Variants in MYO9A observed in about 807,000 individuals in gnomAD.
MYO9A encodes unconventional myosin-IXa.
MYO9A carries 103 observed loss-of-function variants against 293.3 expected under a neutral mutation model. That is an observed-to-expected ratio of 0.35 (90% CI 0.30 to 0.41). The LOEUF (loss-of-function observed/expected upper bound fraction) is 0.41. MYO9A is among the 10% of genes least tolerant of loss of function. MYO9A has a pLI of 1.00. For synonymous variants in MYO9A, 1,001 were observed against 1,035.7 expected (o/e 0.97, Z 0.64); for missense variants, 2,685 against 3,033.0 (o/e 0.89, Z 2.69).
At chr15:72,034,121 T>C (rs1435078639) in intron 2 of MYO9A, among the ~76,000 whole-genome samples, 1 of 152,178 alleles carries the variant, frequency 6.6e-6, no homozygotes, top group African/African-American at 2.4e-5. Context: ...GGCAACTACA[T>C]CTGTACTCAA....
intron 13 of MYO9A, among the ~76,000 whole-genome samples, chr15:71,967,673 T>A (rs951068068): frequency 1.3e-5 from 2 of 152,080 alleles, no homozygotes; most frequent in East Asian, 3.8e-4. Flanking sequence ...AAGGGAAAAA[T>A]TCAACAAATT....
At chr15:71,968,189 C>G (rs917069966) in intron 12 of MYO9A, 64 bp from the exon 13 acceptor site, 1 of 1,338,794 alleles carries the variant, frequency 7.5e-7, no homozygotes, top group South Asian at 1.6e-5. Context: ...GTAATTAGTA[C>G]AGCCCTTTTC....
chr15:71,838,180 T>C (rs1294663753), intron 39 of MYO9A, among the ~76,000 whole-genome samples: 1 of 152,134 alleles, frequency 6.6e-6, no homozygotes, highest in Admixed American at 6.5e-5. Flanking sequence ...TTTCACTGGG[T>C]AGCTAATCTT....
intron 15 of MYO9A, among the ~76,000 whole-genome samples, chr15:71,944,128 G>C (rs919955875): frequency 2.6e-5 from 4 of 152,016 alleles, no homozygotes; most frequent in African/African-American, 9.7e-5. Flanking sequence ...TCTTTCATGA[G>C]AACACAGATA....
Position 71,899,025 on chromosome 15 carries a change from C to T in MYO9A, c.3478G>A (p.Ala1160Thr), listed in dbSNP as rs899812774. 2 of 1,593,682 alleles carry T rather than the reference C, an allele frequency of 1.3e-6. No homozygotes were observed. The highest frequency in any genetic ancestry group is 3.5e-5 in the Admixed American group (2 of 56,906). ...TCTCTTAGCCTTTGTTCTTTTAAAG[C>T]TTTAAATCTATATAAAAACAGACAA... The part of the protein sequence containing the change: ...RGFRARQRFK[A>T]LKEQRLRETK... Residue 1160 changes from alanine (A) to threonine (T), a missense_variant, in exon 25 of 42, where the codon GCT becomes ACT. Ala to Thr is a moderately conservative substitution (Grantham distance 58). Coordinates refer to ENST00000356056, the MANE Select transcript of MYO9A (RefSeq NM_006901.4).
At chr15:72,035,927 G>A (rs1179570854) in intron 2 of MYO9A, among the ~76,000 whole-genome samples, 1 of 151,928 alleles carries the variant, frequency 6.6e-6, no homozygotes, top group African/African-American at 2.4e-5. Context: ...CAGGGCAGAG[G>A]GTATGAAGAT....
intron 32 of MYO9A, among the ~76,000 whole-genome samples, chr15:71,871,786 G>A (rs1482022921): frequency 6.6e-6 from 1 of 150,874 alleles, no homozygotes; most frequent in African/African-American, 2.4e-5. Context: ...GTAGCATAAA[G>A]AATTTAAAGG....
At chr15:71,875,111 A>G (rs1387485759) in intron 32 of MYO9A, among the ~76,000 whole-genome samples, 1 of 152,002 alleles carries the variant, frequency 6.6e-6, no homozygotes, top group Non-Finnish European at 1.5e-5. Context: ...CATAAACCAC[A>G]TAATATATAT....
chr15:71,909,271 A>G (rs1466421641), intron 19 of MYO9A, among the ~76,000 whole-genome samples: 1 of 152,238 alleles, frequency 6.6e-6, no homozygotes, highest in Non-Finnish European at 1.5e-5. Flanking sequence ...GTAAATACCA[A>G]GAAGTTGTTA....
chr15:72,031,662 A>G (rs2077875701), intron 3 of MYO9A, among the ~76,000 whole-genome samples: 1 of 151,974 alleles, frequency 6.6e-6, no homozygotes, highest in East Asian at 1.9e-4. Flanking sequence ...GTTTAAAGGA[A>G]TATAGGGGAA....
At chr15:71,944,111 T>C (rs753077565) in intron 15 of MYO9A, among the ~76,000 whole-genome samples, 1 of 152,096 alleles carries the variant, frequency 6.6e-6, no homozygotes, top group Non-Finnish European at 1.5e-5. Context: ...AATGAAAAAG[T>C]TGAACATCTT....
rs374172306 is a variant in MYO9A at position 71,903,030 on chromosome 15, G to C, written c.2911C>G (p.Arg971Gly). 5.7e-6 allele frequency: 9 copies of C among 1,592,146 alleles called. No homozygotes were observed. The highest frequency in any genetic ancestry group is 7.7e-6 in the Non-Finnish European group (9 of 1,165,618). ...TTAAATTTGGATGGAATAATATTTC[G>C]GGGAAGAAGTACATGGAAGTGGCTC... Reference protein sequence around the residue: ...FVSHFHVLLPRNIIPSKFNIQ... With the variant: ...FVSHFHVLLPGNIIPSKFNIQ... Residue 971 changes from arginine to glycine, a missense_variant, in exon 22 of 42, where the codon CGA becomes GGA. Around this residue, in one of 10 missense-constraint regions of MYO9A, gnomAD observed 1,434 missense variants for 1,497.7 expected, o/e 0.96. Coordinates refer to ENST00000356056, the MANE Select transcript of MYO9A (RefSeq NM_006901.4).
intron 1 of MYO9A, among the ~76,000 whole-genome samples, chr15:72,100,830 G>A (rs1424660197): frequency 1.3e-5 from 2 of 151,742 alleles, no homozygotes; most frequent in Non-Finnish European, 3.0e-5. Flanking sequence ...GAAGTGAGGA[G>A]CGTCTCCGCC....
intron 39 of MYO9A, among the ~76,000 whole-genome samples, chr15:71,835,734 A>G (rs191960083): frequency 1.3e-5 from 2 of 152,286 alleles, no homozygotes; most frequent in Admixed American, 1.3e-4. Flanking sequence ...ATCCCAATAA[A>G]AATCCCAAGA....
chr15:71,964,507 C>T (rs759338814), intron 13 of MYO9A, among the ~76,000 whole-genome samples: 1 of 151,416 alleles, frequency 6.6e-6, no homozygotes, highest in African/African-American at 2.4e-5. Context: ...ACTGGCTGGG[C>T]GCGATGGCTC....
intron 11 of MYO9A, among the ~76,000 whole-genome samples, chr15:71,985,774 T>C (rs79717142): frequency 6.6e-6 from 1 of 152,188 alleles, no homozygotes; most frequent in African/African-American, 2.4e-5. Flanking sequence ...CCTTCAAATA[T>C]ATGTTGTTGA....
rs138711800 is a variant in MYO9A at position 71,899,901 on chromosome 15, G to A, written c.3256C>T (p.Arg1086Cys). The change falls in exon 24 of 42, where the codon CGT becomes TGT. Residue 1086 changes from arginine to cysteine, a missense_variant. By Grantham distance (180) the Arg-to-Cys change is radical. This residue lies in a region of MYO9A where 1,434 missense variants were observed against 1,497.7 expected (regional missense o/e 0.96). Transcript: ENST00000356056. Reference sequence around the variant, plus strand: ...TACCGCTGCCTCTCTAAGTGAGCACGCCAGGAAGCTTGGAGAAGAGCAGCT... The same window carrying A: ...TACCGCTGCCTCTCTAAGTGAGCACACCAGGAAGCTTGGAGAAGAGCAGCT... ...SAAALLQASW[R>C]AHLERQRYLE... The A allele has an allele frequency of 1.2e-3, 2,006 of 1,614,014 alleles. No homozygotes were observed. Among genetic ancestry groups the A allele is most frequent in the Non-Finnish European group, 1.6e-3 (1,840 of 1,180,020 alleles).
chr15:72,113,597 T>C (rs547072689), intron 1 of MYO9A, among the ~76,000 whole-genome samples: 58 of 152,292 alleles, frequency 3.8e-4, no homozygotes, highest in Admixed American at 7.8e-4. Flanking sequence ...GGAAAGGACA[T>C]GATTTGATTT....
chr15:72,114,244 G>A (rs529443837), intron 1 of MYO9A: 1 of 152,278 alleles, frequency 6.6e-6, no homozygotes, highest in South Asian at 2.1e-4. Flanking sequence ...CTGACTAAAA[G>A]AGCATTTTAG....
Sources: gnomAD v4.1 joint callset for allele counts (sites outside exome capture counted in the v4.1 genomes callset) on GRCh38, gnomAD v4.1.1 for gene constraint, gnomAD v4.1.1 regional missense constraint, MANE v1.5 for transcripts, NCBI Gene and HGNC (gene_info 2026-07-23, HGNC 2026-07-21) for gene names.